Variants in AUTS2 observed in about 807,000 individuals in gnomAD.
The protein encoded by AUTS2 is activator of transcription and developmental regulator AUTS2.
AUTS2 carries 17 observed loss-of-function variants against 112.4 expected under a neutral mutation model. The observed-to-expected ratio is 0.15, with a 90% CI of 0.10 to 0.23. The LOEUF is 0.23. Among genes scored for constraint, AUTS2 ranks in the 10% least tolerant of loss-of-function variants. AUTS2 has a pLI of 1.00. For missense variants in AUTS2, 1,510 were observed against 1,701.6 expected, an observed-to-expected ratio of 0.89 and a Z score of 1.98; for synonymous variants, 751 against 702.7, an observed-to-expected ratio of 1.07 and a Z score of -1.09.
intron 1 of AUTS2, among the ~76,000 whole-genome samples, chr7:69,702,872 T>C (rs759327223): frequency 1.1e-4 from 17 of 152,220 alleles, no homozygotes; most frequent in Non-Finnish European, 1.9e-4. Flanking sequence ...ATGTGATTAA[T>C]GTGCCATTCA....
chr7:69,600,085 T>C lies in AUTS2; in HGVS notation c.309+123T>C, dbSNP rs1027791826. 14 of 1,114,476 alleles carry C rather than the reference T, an allele frequency of 1.3e-5. No individual in the cohort carries two copies. In the Admixed American group the frequency reaches 2.2e-4, roughly 17 times the overall value. The allele number at this position is 1,114,476 out of a possible 1,614,324, so 69.0% of individuals were successfully genotyped here. ...GTCTGTCTGTCTGTCTGTCTGTCTG[T>C]CTAGGCTGAGGTCTTATTGTTGGTG... is the stretch of plus-strand genomic sequence containing the variant. On this transcript the variant is annotated intron_variant, in intron 1 of 18. Transcript: ENST00000342771.
chr7:69,930,808 T>A (rs1461561847), intron 2 of AUTS2, among the ~76,000 whole-genome samples: 3 of 152,130 alleles, frequency 2.0e-5, no homozygotes, highest in Admixed American at 6.5e-5. Context: ...ATGGTAAAAA[T>A]CTTTAGGTAA....
At chr7:69,623,685 A>G (rs936994632) in intron 1 of AUTS2, among the ~76,000 whole-genome samples, 6 of 152,114 alleles carry the variant, frequency 3.9e-5, no homozygotes, top group African/African-American at 1.4e-4. Context: ...TTTCTATGCT[A>G]TGTAACTTTT....
chr7:69,773,478 CT>C, intron 1 of AUTS2, among the ~76,000 whole-genome samples: 1 of 146,566 alleles, frequency 6.8e-6, no homozygotes, highest in Non-Finnish European at 1.5e-5. Context: ...AAAAAAAAAG[CT>C]TTAAGAAAAA....
intron 1 of AUTS2, among the ~76,000 whole-genome samples, chr7:69,841,902 A>G (rs1156585057): frequency 1.3e-5 from 2 of 152,216 alleles, no homozygotes; most frequent in Non-Finnish European, 2.9e-5. Flanking sequence ...GTTGCTTATT[A>G]AGTATTTCAT....
At chr7:69,644,324 A>G (rs1583996866) in intron 1 of AUTS2, among the ~76,000 whole-genome samples, 2 of 150,544 alleles carry the variant, frequency 1.3e-5, no homozygotes, top group Non-Finnish European at 1.5e-5. Flanking sequence ...GAGGACCCCT[A>G]GACTTTTTTT....
chr7:70,108,665 G>A (rs1804899853), intron 2 of AUTS2, among the ~76,000 whole-genome samples: 1 of 151,628 alleles, frequency 6.6e-6, no homozygotes, highest in Non-Finnish European at 1.5e-5. Flanking sequence ...ACAACAAAAT[G>A]TAAATAATAA....
intron 4 of AUTS2, among the ~76,000 whole-genome samples, chr7:70,334,122 A>G (rs1018082215): frequency 4.6e-5 from 7 of 152,162 alleles, no homozygotes; most frequent in Admixed American, 3.9e-4. Flanking sequence ...CTTCCAGTGC[A>G]ATGTTGAATA....
intron 2 of AUTS2, among the ~76,000 whole-genome samples, chr7:69,952,788 A>G (rs532198357): frequency 6.6e-6 from 1 of 152,328 alleles, no homozygotes; most frequent in South Asian, 2.1e-4. Context: ...ATACTTAAGC[A>G]AACATATTAA....
chr7:70,384,274 T>G (rs575847603), intron 4 of AUTS2, among the ~76,000 whole-genome samples: 1 of 152,270 alleles, frequency 6.6e-6, no homozygotes, highest in Non-Finnish European at 1.5e-5. Flanking sequence ...GCTTGGCAGG[T>G]GGGCCTACTC....
intron 1 of AUTS2, among the ~76,000 whole-genome samples, chr7:69,621,214 A>T (rs1793642350): frequency 6.6e-6 from 1 of 152,184 alleles, no homozygotes; most frequent in Non-Finnish European, 1.5e-5. Flanking sequence ...AGGCACATAG[A>T]GTTTACACCC....
At chr7:70,179,279 C>A (rs201052592) in intron 4 of AUTS2, among the ~76,000 whole-genome samples, 4 of 152,188 alleles carry the variant, frequency 2.6e-5, no homozygotes, top group Non-Finnish European at 5.9e-5. Context: ...AAATGTAAAT[C>A]TTTTCCTTTT....
intron 4 of AUTS2, among the ~76,000 whole-genome samples, chr7:70,414,168 G>T (rs887906111): frequency 5.9e-5 from 9 of 152,304 alleles, no homozygotes; most frequent in African/African-American, 2.2e-4. Context: ...GGAAGAATTT[G>T]CCCAGCACCT....
chr7:69,883,104 G>A (rs561949558), intron 1 of AUTS2, among the ~76,000 whole-genome samples: 116 of 152,236 alleles, frequency 7.6e-4, no homozygotes, highest in Middle Eastern at 6.8e-3. Flanking sequence ...CAGAAGGTGG[G>A]AAAGCCAGTT....
At chr7:70,683,312 G>A (rs1395992614) in intron 5 of AUTS2, among the ~76,000 whole-genome samples, 1 of 152,172 alleles carries the variant, frequency 6.6e-6, no homozygotes, top group Non-Finnish European at 1.5e-5. Context: ...TGTTTTAGTT[G>A]GCAGAGATCT....
intron 2 of AUTS2, among the ~76,000 whole-genome samples, chr7:69,909,595 T>C (rs1014755059): frequency 2.0e-5 from 3 of 152,198 alleles, no homozygotes; most frequent in Admixed American, 6.5e-5. Context: ...AGGCCATTTG[T>C]TATTTTCTTC....
intron 3 of AUTS2, chr7:70,119,276 C>T (rs1335505980): frequency 1.1e-4 from 16 of 152,060 alleles, no homozygotes; most frequent in Admixed American, 8.5e-4. Context: ...GTGTGAGCCA[C>T]CACGCCCAGC....
chr7:70,164,256 A>G (rs1012528649), intron 4 of AUTS2, among the ~76,000 whole-genome samples: 11 of 150,828 alleles, frequency 7.3e-5, no homozygotes, highest in African/African-American at 2.7e-4. Flanking sequence ...TGTAATTGTT[A>G]TAAGATGTAA....
chr7:70,334,301 G>A (rs1343496844), intron 4 of AUTS2, among the ~76,000 whole-genome samples: 2 of 152,132 alleles, frequency 1.3e-5, no homozygotes, highest in Admixed American at 1.3e-4. Context: ...AGCATGAATG[G>A]GTGTTGAATT....
Sources: gnomAD v4.1 joint callset for allele counts (sites outside exome capture counted in the v4.1 genomes callset) on GRCh38, gnomAD v4.1.1 for gene constraint, MANE v1.5 for transcripts, NCBI Gene and HGNC (gene_info 2026-07-23, HGNC 2026-07-21) for gene names.